Variants in IQCK observed in about 807,000 individuals in gnomAD.
IQCK encodes IQ domain-containing protein K.
In IQCK, 29 loss-of-function variants were observed where a neutral mutation model predicts 28.1. The ratio of observed to expected loss-of-function variants is 1.03; its 90% confidence interval spans 0.77 to 1.41. The LOEUF is 1.41. IQCK is among the 40% of genes most tolerant of loss of function. The pLI, the probability that IQCK is intolerant of heterozygous loss-of-function variation, is 0.00. For missense variants in IQCK, 359 were observed against 314.7 expected (o/e 1.14, Z -1.07); for synonymous variants, 113 against 115.1 (o/e 0.98, Z 0.12).
chr16:19,728,929 G>A (rs929871731), intron 1 of IQCK, among the ~76,000 whole-genome samples: 1 of 152,194 alleles, frequency 6.6e-6, no homozygotes, highest in East Asian at 1.9e-4. Context: ...CCATACGACT[G>A]TATGCCCTCA....
At chr16:19,858,318 T>TA (rs2056589328) in exon 10 of IQCK, 1 of 443,578 alleles carries the variant, frequency 2.3e-6, no homozygotes, top group Non-Finnish European at 4.0e-6. Flanking sequence ...ATATCAGATT[T>TA]AAAAGGGGGG....
intron 1 of IQCK, among the ~76,000 whole-genome samples, chr16:19,721,845 T>C (rs924422510): frequency 2.0e-5 from 3 of 152,200 alleles, no homozygotes; most frequent in Non-Finnish European, 2.9e-5. Flanking sequence ...CCCAAAGTGC[T>C]GGGATTACAG....
At chr16:19,781,150 T>C (rs750934324) in intron 6 of IQCK, among the ~76,000 whole-genome samples, 1 of 152,318 alleles carries the variant, frequency 6.6e-6, no homozygotes, top group East Asian at 1.9e-4. Context: ...CTTAAATTTT[T>C]CCTTTAGTCA....
chr16:19,811,361 C>G (rs1401486259), intron 7 of IQCK, among the ~76,000 whole-genome samples: 1 of 152,184 alleles, frequency 6.6e-6, no homozygotes, highest in Non-Finnish European at 1.5e-5. Flanking sequence ...GAAAGTTTAT[C>G]AAATACCTTA....
intron 4 of IQCK, among the ~76,000 whole-genome samples, chr16:19,751,205 G>A (rs2054981733): frequency 6.6e-6 from 1 of 152,094 alleles, no homozygotes; most frequent in South Asian, 2.1e-4. Context: ...ATTAAGAATT[G>A]TGCTTGGCCA....
intron 1 of IQCK, among the ~76,000 whole-genome samples, chr16:19,729,037 C>T (rs1389566268): frequency 6.6e-6 from 1 of 152,210 alleles, no homozygotes; most frequent in African/African-American, 2.4e-5. Flanking sequence ...TTTTACCAGT[C>T]TTTGCTTTAG....
chr16:19,826,630 G>A (rs544439642), intron 7 of IQCK, among the ~76,000 whole-genome samples: 8 of 152,230 alleles, frequency 5.3e-5, no homozygotes, highest in Non-Finnish European at 7.4e-5. Context: ...TGCCAGCCTC[G>A]GCCTCCCAAA....
At chr16:19,773,649 G>T (rs1037709838) in intron 6 of IQCK, among the ~76,000 whole-genome samples, 4 of 152,212 alleles carry the variant, frequency 2.6e-5, no homozygotes. Context: ...ATATATGAAT[G>T]AATGGGTGTG....
At chr16:19,725,989 C>A (rs948265684) in intron 1 of IQCK, among the ~76,000 whole-genome samples, 1 of 150,726 alleles carries the variant, frequency 6.6e-6, no homozygotes, top group African/African-American at 2.4e-5. Flanking sequence ...GATCTCTGCT[C>A]ACCGCAAGCT....
chr16:19,763,770 T>C (rs1017106865), intron 4 of IQCK, 78 bp from the exon 5 acceptor site: 14 of 1,118,170 alleles, frequency 1.3e-5, no homozygotes, highest in African/African-American at 1.5e-5. Flanking sequence ...AAAAAAGTCA[T>C]GTATAAGTAG....
At chr16:19,848,596 C>T (rs915017303) in intron 9 of IQCK, among the ~76,000 whole-genome samples, 1 of 152,180 alleles carries the variant, frequency 6.6e-6, no homozygotes, top group Non-Finnish European at 1.5e-5. Flanking sequence ...TTCTTGAGTA[C>T]CTTCTTCATG....
downstream of IQCK, among the ~76,000 whole-genome samples, chr16:19,829,603 C>T (rs1250364867): frequency 2.0e-5 from 3 of 152,152 alleles, no homozygotes; most frequent in Non-Finnish European, 4.4e-5. Context: ...TCCCAAAGTG[C>T]TGGGATTACA....
chr16:19,825,394 C>T lies in IQCK; in HGVS notation c.691-1632C>T, dbSNP rs2056134652. On this transcript the variant is annotated intron_variant, in intron 7 of 7. Coordinates refer to ENST00000564186, the Ensembl canonical transcript of IQCK. This position sits in a 1 kb window ranked among gnomAD's most constrained non-coding sequence, Gnocchi z 4.2. ...AATTAGCCAGGCCTGGTGGTGCACA[C>T]CTGTATTCCCAGCTACTTGGGAGGC... Among the ~76,000 whole-genome samples, 1 of 152,086 alleles carries T rather than the reference C, an allele frequency of 6.6e-6. No individual in the cohort carries two copies. The highest frequency in any genetic ancestry group is 6.6e-5 in the Admixed American group (1 of 15,250).
rs975618401 is a variant in IQCK at position 19,825,985 on chromosome 16, G to A, written c.691-1041G>A. ...ACACACAGTGTTGAAGACTTAGCAT[G>A]TAAAACAGAAAGTAAGATAACTCAT... On this transcript the variant is annotated intron_variant, in intron 7 of 7. Coordinates refer to ENST00000564186, the Ensembl canonical transcript of IQCK. The surrounding 1 kb of genome is among the most constrained non-coding windows in gnomAD (Gnocchi z 4.2). 1.3e-5 allele frequency among the ~76,000 whole-genome samples: 2 copies of A among 152,206 alleles called. No homozygotes were observed. The highest frequency in any genetic ancestry group is 1.9e-4 in the East Asian group (1 of 5,204).
intron 4 of IQCK, among the ~76,000 whole-genome samples, chr16:19,741,532 G>A (rs2054834610): frequency 6.6e-6 from 1 of 152,150 alleles, no homozygotes; most frequent in Non-Finnish European, 1.5e-5. Context: ...GCATCCTTGT[G>A]CCAACTCATA....
chr16:19,831,982 T>G (rs551600852), downstream of IQCK, among the ~76,000 whole-genome samples: 9 of 152,240 alleles, frequency 5.9e-5, no homozygotes, highest in East Asian at 9.7e-4. Flanking sequence ...CAGGAATTAT[T>G]TTAAAACGTG....
chr16:19,774,398 CTTTTTT>C (rs1167894201), intron 6 of IQCK, among the ~76,000 whole-genome samples: 3 of 104,114 alleles, frequency 2.9e-5, no homozygotes, highest in Non-Finnish European at 5.7e-5. Flanking sequence ...TTAGCTAATA[CTTTTTT>C]TTTTTTTTTT....
intron 7 of IQCK, among the ~76,000 whole-genome samples, chr16:19,805,450 T>A (rs897449426): frequency 1.3e-5 from 2 of 152,186 alleles, no homozygotes; most frequent in African/African-American, 4.8e-5. Context: ...GTGCTTACAA[T>A]GTGGCAGGCA....
chr16:19,762,744 G>A (rs540899230), intron 4 of IQCK, among the ~76,000 whole-genome samples: 2 of 152,302 alleles, frequency 1.3e-5, no homozygotes, highest in South Asian at 2.1e-4. Flanking sequence ...GCCGGGCACA[G>A]TGGCTCACAC....
Sources: allele counts gnomAD v4.1 joint callset (sites outside exome capture counted in the v4.1 genomes callset), GRCh38; gene constraint gnomAD v4.1.1; non-coding constraint Gnocchi (gnomAD v3.1); transcripts MANE v1.5; gene names NCBI Gene and HGNC (gene_info 2026-07-23, HGNC 2026-07-21).